Variants in TRABD2B observed in about 807,000 individuals in gnomAD.
TRABD2B encodes the protein TraB domain containing 2B.
Under a neutral mutation model 40.1 loss-of-function variants are expected in TRABD2B, and 14 were observed. The ratio of observed to expected loss-of-function variants is 0.35; its 90% CI spans 0.23 to 0.55. The LOEUF (loss-of-function observed/expected upper bound fraction) is 0.55. TRABD2B is among the 20% of genes least tolerant of loss of function. TRABD2B has a pLI of 0.90. For missense variants in TRABD2B, 541 were observed against 648.6 expected (o/e 0.83, Z 1.80); for synonymous variants, 263 against 277.0 (o/e 0.95, Z 0.50).
At chr1:47,879,885 C>A (rs564222255) in intron 2 of TRABD2B, among the ~76,000 whole-genome samples, 6 of 152,248 alleles carry the variant, frequency 3.9e-5, no homozygotes, top group African/African-American at 1.4e-4. Flanking sequence ...GGGAGGCCAC[C>A]CCTGCCAGGC....
chr1:47,769,953 C>CAAGGCAGAAATCACAACCCT (rs147139081), intron 6 of TRABD2B, among the ~76,000 whole-genome samples: 2 of 151,684 alleles, frequency 1.3e-5, no homozygotes, highest in East Asian at 3.9e-4. Flanking sequence ...GGTGGAAGCC[C>CAAGGCAGAAATCACAACCCT]AAGGCAGAAA....
chr1:47,959,981 C>T (rs28882450), intron 2 of TRABD2B, among the ~76,000 whole-genome samples: 12,990 of 152,150 alleles, frequency 0.085, 753 homozygotes, highest in Middle Eastern at 0.14. Context: ...ACTGGCAAAC[C>T]GAATCCAGCA....
At chr1:47,818,520 G>C (rs1041646796) in intron 2 of TRABD2B, 1 of 152,268 alleles carries the variant, frequency 6.6e-6, no homozygotes, top group African/African-American at 2.4e-5. Context: ...TAGGAGCTGG[G>C]AGGTGGTTCT....
chr1:47,948,960 C>A (rs750736003), intron 2 of TRABD2B, among the ~76,000 whole-genome samples: 1 of 152,100 alleles, frequency 6.6e-6, no homozygotes, highest in Non-Finnish European at 1.5e-5. Flanking sequence ...CATGACAAAT[C>A]TATAAGACTA....
chr1:47,971,747 C>A (rs113030619), intron 2 of TRABD2B, among the ~76,000 whole-genome samples: 3 of 152,188 alleles, frequency 2.0e-5, no homozygotes, highest in Non-Finnish European at 4.4e-5. Context: ...GAGGTTTCCA[C>A]CAAAGACTTC....
At chr1:47,807,225 G>A (rs1237158595) in intron 2 of TRABD2B, among the ~76,000 whole-genome samples, 1 of 152,224 alleles carries the variant, frequency 6.6e-6, no homozygotes, top group Non-Finnish European at 1.5e-5. Flanking sequence ...AACAGGCAAA[G>A]AAGGGGTTAC....
chr1:47,874,551 C>T (rs1159294848), intron 2 of TRABD2B, among the ~76,000 whole-genome samples: 221 of 147,792 alleles, frequency 1.5e-3, no homozygotes, highest in African/African-American at 5.1e-3. Flanking sequence ...GGATTACAGG[C>T]GTGAGCCACC....
intron 2 of TRABD2B, among the ~76,000 whole-genome samples, chr1:47,945,424 T>C (rs566435063): frequency 6.6e-6 from 1 of 152,362 alleles, no homozygotes; most frequent in African/African-American, 2.4e-5. Flanking sequence ...TTCATGGTTT[T>C]CATTATTAAA....
In TRABD2B at chr1:47,765,844, G is replaced by GTGGCAGGA; in HGVS notation, c.*57_*58insTCCTGCCA. Reference sequence around the variant, plus strand: ...CTGGAGGTGGTGGCAGGAGCAGTTGGGTGTGGCCGAAGACCCCTGTGTCAT... The same window carrying GTGGCAGGA: ...CTGGAGGTGGTGGCAGGAGCAGTTGGTGGCAGGAGTGTGGCCGAAGACCCCTGTGTCAT... On this transcript the variant is annotated 3_prime_UTR_variant, in exon 7 of 7. Coordinates refer to ENST00000606738, the MANE Select transcript of TRABD2B (RefSeq NM_001194986.2). 1 of 702,870 alleles carries GTGGCAGGA rather than the reference G, an allele frequency of 1.4e-6. No individual in the cohort carries two copies. 43.5% of individuals were successfully genotyped at this position (702,870 alleles called of 1,614,324 possible). A position where few individuals can be genotyped will look rare whatever the true frequency, so the allele number is the denominator to read the frequency against.
At chr1:47,870,983 A>G (rs1644132810) in intron 2 of TRABD2B, among the ~76,000 whole-genome samples, 1 of 152,190 alleles carries the variant, frequency 6.6e-6, no homozygotes, top group Non-Finnish European at 1.5e-5. Context: ...TTTGGGTTAG[A>G]GCATACAGCA....
rs188453889 is a variant in TRABD2B at position 47,850,467 on chromosome 1, T to C, written c.667-48848A>G. ...CCTTGAAAGAGCAGGGGTCTAAGAA[T>C]CTAGATTCATGCATTCAATGAACAT... On this transcript the variant is annotated intron_variant, in intron 2 of 6. Coordinates refer to ENST00000606738, the MANE Select transcript of TRABD2B (RefSeq NM_001194986.2). Among the ~76,000 whole-genome samples the C allele has an allele frequency of 1.2e-3, 190 of 152,342 alleles. 1 individual carries two copies. Among genetic ancestry groups the C allele is most frequent in the Non-Finnish European group, 2.3e-3 (159 of 68,026 alleles).
intron 2 of TRABD2B, among the ~76,000 whole-genome samples, chr1:47,924,527 T>C (rs2124744870): frequency 6.6e-6 from 1 of 152,300 alleles, no homozygotes; most frequent in South Asian, 2.1e-4. Context: ...ATGATCCTAT[T>C]AGCTGGAACA....
At chr1:47,985,796 T>C (rs1185652529) in intron 2 of TRABD2B, among the ~76,000 whole-genome samples, 1 of 152,220 alleles carries the variant, frequency 6.6e-6, no homozygotes, top group African/African-American at 2.4e-5. Context: ...TGACCATGGA[T>C]AAAAGTCTTG....
At chr1:47,807,002 A>G (rs1644901447) in intron 2 of TRABD2B, among the ~76,000 whole-genome samples, 1 of 152,238 alleles carries the variant, frequency 6.6e-6, no homozygotes, top group Non-Finnish European at 1.5e-5. Context: ...AGCACCAGGC[A>G]TTGTTCTAGG....
At chr1:47,798,548 CT>C (rs1343945106) in intron 3 of TRABD2B, among the ~76,000 whole-genome samples, 1 of 152,204 alleles carries the variant, frequency 6.6e-6, no homozygotes, top group African/African-American at 2.4e-5. Flanking sequence ...TGAGGTGCCC[CT>C]GGCCCCTTTC....
intron 2 of TRABD2B, among the ~76,000 whole-genome samples, chr1:47,896,959 G>A (rs955748991): frequency 6.6e-6 from 1 of 152,242 alleles, no homozygotes; most frequent in Non-Finnish European, 1.5e-5. Context: ...ACTGTTCTCA[G>A]TATGTGGGAT....
chr1:47,788,129 G>C (rs1322983282), intron 4 of TRABD2B, among the ~76,000 whole-genome samples: 1 of 152,122 alleles, frequency 6.6e-6, no homozygotes, highest in Non-Finnish European at 1.5e-5. Flanking sequence ...ATACCATCCT[G>C]TTTCCCTCCA....
intron 2 of TRABD2B, among the ~76,000 whole-genome samples, chr1:47,857,738 T>C (rs879903922): frequency 6.6e-6 from 1 of 152,138 alleles, no homozygotes; most frequent in Non-Finnish European, 1.5e-5. Flanking sequence ...CCCCTACTTC[T>C]AGGTGGTCTA....
intron 2 of TRABD2B, among the ~76,000 whole-genome samples, chr1:47,820,931 TAGTAGCAGGA>T: frequency 6.6e-6 from 1 of 152,270 alleles, no homozygotes; most frequent in South Asian, 2.1e-4. Context: ...GTCACTCAGG[TAGTAGCAGGA>T]AGTTCTGACC....
Sources: allele counts gnomAD v4.1 joint callset (sites outside exome capture counted in the v4.1 genomes callset), GRCh38; gene constraint gnomAD v4.1.1; transcripts MANE v1.5; gene names NCBI Gene and HGNC (gene_info 2026-07-23, HGNC 2026-07-21).